The following PREX2 variants were observed in gnomAD, a reference collection of about 807,000 sequenced individuals.
PREX2 encodes the protein phosphatidylinositol-3,4,5-trisphosphate dependent Rac exchange factor 2, also known as phosphatidylinositol 3,4,5-trisphosphate-dependent Rac exchanger 2 protein.
In PREX2, 107 loss-of-function variants were observed where a neutral mutation model predicts 203.2. The observed-to-expected ratio is 0.53, with a 90% CI of 0.45 to 0.62. The LOEUF (loss-of-function observed/expected upper bound fraction) is 0.62, where lower values mean the gene tolerates loss of function less well. Among genes scored for constraint, PREX2 ranks in the 20% least tolerant of loss-of-function variants. The pLI is 0.00. For synonymous variants in PREX2, 672 were observed against 663.6 expected (o/e 1.01, Z -0.19); for missense variants, 1,777 against 1,955.9 (o/e 0.91, Z 1.72).
At chr8:68,004,727 A>G (rs569231698) in intron 1 of PREX2, among the ~76,000 whole-genome samples, 185 of 152,346 alleles carry the variant, frequency 1.2e-3, no homozygotes, top group Non-Finnish European at 1.9e-3. Flanking sequence ...TCCGTCAGGT[A>G]TGGGCATTTG....
chr8:68,160,602 T>G lies in PREX2; in HGVS notation c.4346+3166T>G, dbSNP rs113178345. 9.5e-4 allele frequency among the ~76,000 whole-genome samples: 145 copies of G among 152,280 alleles called. 2 individuals carry two copies. The highest frequency in any genetic ancestry group is 3.2e-3 in the African/African-American group (132 of 41,576). ...ATGTCTGTCTTGGACTTACAGGGGT[T>G]ACTTTGGGAAACACAGTTTTAGAAT... On this transcript the variant is annotated intron_variant, in intron 35 of 39. Coordinates refer to ENST00000288368, the MANE Select transcript of PREX2 (RefSeq NM_024870.4).
Position 68,194,410 on chromosome 8 carries a change from T to C in PREX2, c.4604+1885T>C, listed in dbSNP as rs80072200. 4.8e-3 allele frequency among the ~76,000 whole-genome samples: 736 copies of C among 152,254 alleles called. 6 individuals carry two copies. The highest frequency in any genetic ancestry group is 8.3e-3 in the Non-Finnish European group (562 of 68,006). Reference sequence around the variant, plus strand: ...TAGAGAAAAGATAGGCAGATTGAATTAGCATTAATATCTAGATATTTTAAT... The same window carrying C: ...TAGAGAAAAGATAGGCAGATTGAATCAGCATTAATATCTAGATATTTTAAT... On this transcript the variant is annotated intron_variant, in intron 37 of 39. Coordinates refer to ENST00000288368, the MANE Select transcript of PREX2 (RefSeq NM_024870.4).
intron 1 of PREX2, among the ~76,000 whole-genome samples, chr8:67,990,699 G>A (rs1806573121): frequency 6.6e-6 from 1 of 151,734 alleles, no homozygotes; most frequent in African/African-American, 2.4e-5. Context: ...TTTTAGTAGA[G>A]ATAGGGTTTC....
chr8:67,991,076 C>T (rs1585683948), intron 1 of PREX2, among the ~76,000 whole-genome samples: 1 of 152,302 alleles, frequency 6.6e-6, no homozygotes, highest in East Asian at 1.9e-4. Flanking sequence ...TTTCATTAAT[C>T]ATAGTAATAT....
In PREX2 at chr8:68,075,036, T is replaced by A. The variant is rs1809304076; in HGVS notation, c.1570-2361T>A. On this transcript the variant is annotated intron_variant, in intron 14 of 39. Transcript: ENST00000288368. ...TTTGGCATGTGCAGTAATATACCTT[T>A]AAAACATCATTCAATTCCTGTACGT... Among the ~76,000 whole-genome samples the A allele has an allele frequency of 2.6e-5, 4 of 152,240 alleles. No individual in the cohort carries two copies. The South Asian group carries it at 8.3e-4, about 31-fold the overall frequency.
rs185450867 is a variant in PREX2 at position 68,147,079 on chromosome 8, C to A, written c.4231+727C>A. ...CTAGTCTATTATTTCCCTCCACATT[C>A]TAAAAAAAATGTGTGTCATGTCACA... On this transcript the variant is annotated intron_variant, in intron 34 of 39. Transcript: ENST00000288368. 6.6e-5 allele frequency among the ~76,000 whole-genome samples: 10 copies of A among 152,076 alleles called. 1 individual carries two copies. The highest frequency in any genetic ancestry group is 2.4e-4 in the African/African-American group (10 of 41,508).
intron 31 of PREX2, among the ~76,000 whole-genome samples, chr8:68,129,004 C>T (rs756816272): frequency 1.4e-4 from 22 of 152,160 alleles, no homozygotes; most frequent in Non-Finnish European, 2.6e-4. Context: ...AGTTTCTGAG[C>T]TTTACTAATA....
At chr8:68,048,435 T>C (rs540277688) in intron 8 of PREX2, among the ~76,000 whole-genome samples, 5 of 152,186 alleles carry the variant, frequency 3.3e-5, no homozygotes, top group African/African-American at 1.2e-4. Flanking sequence ...GGGCATACCA[T>C]AGATTTCAAT....
Position 68,139,844 on chromosome 8 carries a change from A to G in PREX2, c.4087+1327A>G, listed in dbSNP as rs554927660. Among the ~76,000 whole-genome samples the G allele has an allele frequency of 2.8e-4, 43 of 152,304 alleles. No homozygotes were observed. The South Asian group carries it at 7.7e-3, about 27-fold the overall frequency. ...TTCAAGAATTTTTCTGGCAGAGGGT[A>G]TTTGATAAGGATAATATTATTTGAA... On this transcript the variant is annotated intron_variant, in intron 33 of 39. Transcript: ENST00000288368.
At chr8:68,009,848 G>A (rs1049916920) in intron 1 of PREX2, among the ~76,000 whole-genome samples, 1 of 152,222 alleles carries the variant, frequency 6.6e-6, no homozygotes. Flanking sequence ...GAAGAAGGCA[G>A]CTTCCAAAGG....
chr8:68,126,253 C>T (rs536152450), intron 30 of PREX2, among the ~76,000 whole-genome samples: 4 of 152,034 alleles, frequency 2.6e-5, no homozygotes, highest in African/African-American at 9.7e-5. Flanking sequence ...GAATTCTATA[C>T]CAACTTTGGC....
At chr8:67,989,548 T>C (rs969349761) in intron 1 of PREX2, among the ~76,000 whole-genome samples, 5 of 152,202 alleles carry the variant, frequency 3.3e-5, no homozygotes, top group African/African-American at 1.2e-4. Context: ...TTAGCCGAGA[T>C]TACATATATG....
At chr8:68,068,028 G>A (rs146425770) in intron 11 of PREX2, among the ~76,000 whole-genome samples, 2 of 152,018 alleles carry the variant, frequency 1.3e-5, no homozygotes, top group African/African-American at 4.8e-5. Flanking sequence ...TCATTTGCAT[G>A]TGTTGAACCA....
At chr8:67,982,345 C>T (rs1049659784) in intron 1 of PREX2, among the ~76,000 whole-genome samples, 2 of 152,026 alleles carry the variant, frequency 1.3e-5, no homozygotes, top group Non-Finnish European at 2.9e-5. Flanking sequence ...TAGCTTGAGC[C>T]CAGGAGGTTG....
In PREX2 at chr8:68,157,326, A is replaced by T; in HGVS notation, c.4236A>T (p.Leu1412=). The part of the protein sequence containing the change: ...KIHPVLFAQA[L]ESMEGYYYRD... ...TATGTTTACTTGTTTACACAGCACT[A>T]GAGAGCATGGAAGGATATTATTACA... Residue 1412 remains leucine (L), a synonymous_variant, in exon 35 of 40, where the codon CTA becomes CTT. Coordinates refer to ENST00000288368, the MANE Select transcript of PREX2 (RefSeq NM_024870.4). 1 of 1,576,330 alleles carries T rather than the reference A, an allele frequency of 6.3e-7. No individual in the cohort carries two copies.
chr8:68,152,289 G>GACAAAAAA (rs1554581338), intron 34 of PREX2, among the ~76,000 whole-genome samples: 1 of 72,920 alleles, frequency 1.4e-5, no homozygotes, highest in Admixed American at 2.0e-4. Flanking sequence ...CCCTCTCAGA[G>GACAAAAAA]AAAAAAAAAA....
chr8:67,957,501 T>C (rs1369383535), intron 1 of PREX2, among the ~76,000 whole-genome samples: 2 of 152,202 alleles, frequency 1.3e-5, no homozygotes, highest in East Asian at 1.9e-4. Context: ...GCTCAACCTT[T>C]CTCAGATTTG....
chr8:68,161,111 G>C (rs567936752), intron 35 of PREX2, among the ~76,000 whole-genome samples: 1 of 150,590 alleles, frequency 6.6e-6, no homozygotes, highest in Non-Finnish European at 1.5e-5. Context: ...TTTTTTGGGG[G>C]GGGGACAGAG....
At chr8:67,966,279 A>G (rs545783574) in intron 1 of PREX2, among the ~76,000 whole-genome samples, 3 of 152,338 alleles carry the variant, frequency 2.0e-5, no homozygotes, top group African/African-American at 7.2e-5. Flanking sequence ...CATTTAAAGA[A>G]AATAAATTGC....
Sources: gnomAD v4.1 joint callset for allele counts (sites outside exome capture counted in the v4.1 genomes callset) on GRCh38, gnomAD v4.1.1 for gene constraint, MANE v1.5 for transcripts, NCBI Gene and HGNC (gene_info 2026-07-23, HGNC 2026-07-21) for gene names.